TRDN: variants seen among roughly 807,000 people sequenced by gnomAD.
The protein encoded by TRDN is triadin in skeletal muscle.
In TRDN, 161 loss-of-function variants were observed where a neutral mutation model predicts 149.7. The ratio of observed to expected loss-of-function variants is 1.08; its 90% confidence interval spans 0.95 to 1.23. The LOEUF is 1.23. Among genes scored for constraint, TRDN ranks in the 50% most tolerant of loss-of-function variants. The probability of loss-of-function intolerance (pLI) is 0.00; values close to 1 mark genes in which losing one functional copy is unlikely to be tolerated. For synonymous variants in TRDN, 294 were observed against 250.5 expected, an observed-to-expected ratio of 1.17 and a Z score of -1.64; for missense variants, 896 against 823.5, an observed-to-expected ratio of 1.09 and a Z score of -1.08.
At chr6:123,322,825 G>A (rs1315865949) in intron 23 of TRDN, among the ~76,000 whole-genome samples, 1 of 151,748 alleles carries the variant, frequency 6.6e-6, no homozygotes. Context: ...ATTTTTAGTA[G>A]AGACGGGGTT....
intron 26 of TRDN, among the ~76,000 whole-genome samples, chr6:123,277,424 C>T (rs950758956): frequency 3.3e-5 from 5 of 152,076 alleles, no homozygotes; most frequent in African/African-American, 1.2e-4. Flanking sequence ...ATGCTTACAT[C>T]CTAACCTCCA....
At chr6:123,595,127 T>C (rs11756886) in intron 1 of TRDN, among the ~76,000 whole-genome samples, 6,838 of 152,218 alleles carry the variant, frequency 0.045, 200 homozygotes, top group Non-Finnish European at 0.058. Flanking sequence ...CTGCAAATTA[T>C]TTCTCATGAA....
intron 1 of TRDN, among the ~76,000 whole-genome samples, chr6:123,578,878 T>C (rs1398610270): frequency 1.3e-5 from 2 of 152,104 alleles, no homozygotes; most frequent in Admixed American, 6.6e-5. Context: ...CCTGGTTACA[T>C]GTACTCCTAG....
intron 31 of TRDN, among the ~76,000 whole-genome samples, chr6:123,269,631 T>C (rs1469648287): frequency 6.6e-6 from 1 of 151,914 alleles, no homozygotes. Flanking sequence ...TAATCATTAA[T>C]TGGTAGATTG....
In TRDN at chr6:123,293,889, GAAT is replaced by G. The variant is rs974519648; in HGVS notation, c.1511-14810_1511-14808del. Among the ~76,000 whole-genome samples, 69 of 152,134 alleles carry G rather than the reference GAAT, an allele frequency of 4.5e-4. 1 individual carries two copies. Among genetic ancestry groups the G allele is most frequent in the African/African-American group, 1.6e-3 (68 of 41,518 alleles). ...CTGTCCATTATTTCATAAGACCCAC[GAAT>G]ACCAGAAGTAAGCTAGCAATAGGGT... On this transcript the variant is annotated intron_variant, in intron 24 of 40. Coordinates refer to ENST00000334268, the MANE Select transcript of TRDN (RefSeq NM_006073.4).
chr6:123,408,817 A>C (rs1442706436), intron 12 of TRDN, among the ~76,000 whole-genome samples: 1 of 152,182 alleles, frequency 6.6e-6, no homozygotes, highest in Non-Finnish European at 1.5e-5. Flanking sequence ...AATCTCTGAC[A>C]AGAAAAATCA....
chr6:123,545,555 A>AT (rs1324220925), intron 4 of TRDN, among the ~76,000 whole-genome samples: 1 of 151,794 alleles, frequency 6.6e-6, no homozygotes, highest in African/African-American at 2.4e-5. Context: ...TTAAATGTCA[A>AT]TTTTTTTCAT....
chr6:123,459,437 C>T (rs1430147123), intron 10 of TRDN, among the ~76,000 whole-genome samples: 2 of 152,098 alleles, frequency 1.3e-5, no homozygotes, highest in Non-Finnish European at 2.9e-5. Context: ...TGGTCCCCTA[C>T]TGAAGGACAT....
intron 1 of TRDN, among the ~76,000 whole-genome samples, chr6:123,612,772 C>T (rs765600079): frequency 2.6e-5 from 4 of 152,038 alleles, no homozygotes; most frequent in Admixed American, 6.6e-5. Flanking sequence ...AGTACCAGTG[C>T]GTGGAAATAT....
intron 14 of TRDN, among the ~76,000 whole-genome samples, chr6:123,383,814 C>T (rs1781808693): frequency 6.6e-6 from 1 of 152,026 alleles, no homozygotes; most frequent in Non-Finnish European, 1.5e-5. Flanking sequence ...ACCTCTCTTT[C>T]TGAATTTCAA....
At chr6:123,332,012 G>A in intron 22 of TRDN, 83 bp from the exon 23 acceptor site, 1 of 1,047,718 alleles carries the variant, frequency 9.5e-7, no homozygotes, top group East Asian at 2.7e-5. Flanking sequence ...TAAGCTGAAA[G>A]TATCAGTAAG....
intron 5 of TRDN, among the ~76,000 whole-genome samples, chr6:123,523,117 C>T (rs1273509681): frequency 1.3e-5 from 2 of 152,072 alleles, no homozygotes; most frequent in Admixed American, 1.3e-4. Flanking sequence ...GCTTAAATGC[C>T]CCCAGTGAAG....
intron 2 of TRDN, among the ~76,000 whole-genome samples, chr6:123,556,392 T>C (rs73539112): frequency 0.032 from 4,853 of 152,280 alleles, 109 homozygotes; most frequent in African/African-American, 0.066. Flanking sequence ...TGAAATTTTC[T>C]GGAGTCTCTT....
chr6:123,385,840 C>T (rs1443768791), intron 14 of TRDN, among the ~76,000 whole-genome samples: 2 of 152,024 alleles, frequency 1.3e-5, no homozygotes, highest in Non-Finnish European at 2.9e-5. Context: ...TCGTAGAATT[C>T]AAGGAGCAGC....
chr6:123,563,694 T>C (rs1005246557), intron 2 of TRDN, among the ~76,000 whole-genome samples: 5 of 152,236 alleles, frequency 3.3e-5, no homozygotes, highest in African/African-American at 1.2e-4. Context: ...ATTTAACAGA[T>C]TAGTGGAGAA....
At chr6:123,470,026 A>T (rs1777063013) in intron 9 of TRDN, 1 of 152,190 alleles carries the variant, frequency 6.6e-6, no homozygotes, top group South Asian at 2.1e-4. Flanking sequence ...CACTTTTAAA[A>T]TTTATGATGC....
chr6:123,301,756 T>TATATATATAC lies in TRDN; in HGVS notation c.1510+14700_1510+14701insGTATATATAT, dbSNP rs1554221687. On this transcript the variant is annotated intron_variant, in intron 24 of 40. Transcript: ENST00000334268. The stretch of plus-strand genomic sequence containing the variant: ...ATGTATGTATGTATATATATACATA[T>TATATATATAC]ATATATATATATACATATATATATA... 1.9e-3 allele frequency among the ~76,000 whole-genome samples: 133 copies of TATATATATAC among 71,504 alleles called. 1 individual carries two copies. Among genetic ancestry groups the TATATATATAC allele is most frequent in the Admixed American group, 2.3e-3 (12 of 5,196 alleles). The allele number at this position is 71,504 out of a possible 152,430, so 46.9% of individuals were successfully genotyped here.
intron 21 of TRDN, among the ~76,000 whole-genome samples, chr6:123,341,307 C>T (rs1371635498): frequency 6.6e-6 from 1 of 151,756 alleles, no homozygotes; most frequent in Non-Finnish European, 1.5e-5. Context: ...TTAACTTTCT[C>T]TTTGTCATAA....
At chr6:123,371,311 C>T (rs1450132517) in intron 19 of TRDN, among the ~76,000 whole-genome samples, 3 of 152,142 alleles carry the variant, frequency 2.0e-5, no homozygotes, top group Non-Finnish European at 4.4e-5. Flanking sequence ...AATCTATCCA[C>T]ACTCTGACTT....
Sources: allele counts gnomAD v4.1 joint callset (sites outside exome capture counted in the v4.1 genomes callset), GRCh38; gene constraint gnomAD v4.1.1; transcripts MANE v1.5; gene names NCBI Gene and HGNC (gene_info 2026-07-23, HGNC 2026-07-21).